The following ARK2N variants were observed in gnomAD, a reference collection of about 807,000 sequenced individuals.
ARK2N encodes the protein arkadia (RNF111) N-terminal like PKA signaling regulator 2N, also known as protein ARK2N.
At chr18:46,249,575 G>T in the ARK2N span, among the ~76,000 whole-genome samples, 1 of 152,096 alleles carries the variant, frequency 6.6e-6, no homozygotes, top group Non-Finnish European at 1.5e-5. Flanking sequence ...TTCTGCACCT[G>T]CCCACACCTA....
chr18:46,201,774 CTTTTCTTTTT>C, the ARK2N span, among the ~76,000 whole-genome samples: 1 of 140,326 alleles, frequency 7.1e-6, no homozygotes, highest in Non-Finnish European at 1.5e-5. Flanking sequence ...CTTTTCTTTT[CTTTTCTTTTT>C]TTTTTTTTTT....
the ARK2N span, chr18:46,215,928 C>T: frequency 2.6e-4 from 423 of 1,613,944 alleles, no homozygotes; most frequent in Non-Finnish European, 3.2e-4. Flanking sequence ...TCATTGAGTC[C>T]GAAGCCCCAC....
At chr18:46,205,160 G>A in the ARK2N span, among the ~76,000 whole-genome samples, 5 of 152,016 alleles carry the variant, frequency 3.3e-5, no homozygotes, top group African/African-American at 4.8e-5. Context: ...TGCCCGCCTC[G>A]GCCCCCCAAA....
chr18:46,226,074 T>G, the ARK2N span, among the ~76,000 whole-genome samples: 1 of 152,228 alleles, frequency 6.6e-6, no homozygotes, highest in African/African-American at 2.4e-5. Flanking sequence ...CATAGTTAAC[T>G]GTAAAGATCA....
chr18:46,198,783 G>A, the ARK2N span, among the ~76,000 whole-genome samples: 6 of 152,082 alleles, frequency 3.9e-5, no homozygotes, highest in Non-Finnish European at 8.8e-5. Context: ...ATTTTAAGTA[G>A]AGATGGGGTT....
chr18:46,217,009 A>G, the ARK2N span: 1 of 161,700 alleles, frequency 6.2e-6, no homozygotes, highest in Non-Finnish European at 1.4e-5. Flanking sequence ...TTGAGCTTAT[A>G]GTGTCTGAAA....
chr18:46,223,018 A>T, the ARK2N span, among the ~76,000 whole-genome samples: 1 of 152,206 alleles, frequency 6.6e-6, no homozygotes, highest in African/African-American at 2.4e-5. Context: ...GTAGGAATCT[A>T]TGAGGCTACA....
the ARK2N span, among the ~76,000 whole-genome samples, chr18:46,222,656 A>T: frequency 1.3e-5 from 2 of 152,190 alleles, no homozygotes; most frequent in African/African-American, 2.4e-5. Flanking sequence ...ATAAAAGAGC[A>T]TGTGTGTGTT....
the ARK2N span, among the ~76,000 whole-genome samples, chr18:46,255,561 C>T: frequency 2.1e-5 from 3 of 146,254 alleles, no homozygotes; most frequent in Admixed American, 7.0e-5. Flanking sequence ...AAGCAATTCT[C>T]CTGTCTCAGG....
At chr18:46,215,670 A>G in the ARK2N span, 1 of 400,940 alleles carries the variant, frequency 2.5e-6, no homozygotes, top group South Asian at 5.8e-5. Flanking sequence ...ACTGTTGATC[A>G]AACAAGCAGA....
At chr18:46,240,229 A>G in the ARK2N span, 131 of 1,603,636 alleles carry the variant, frequency 8.2e-5, no homozygotes, top group South Asian at 3.8e-4. Context: ...TGTAATATGC[A>G]TGTGTCCTGG....
the ARK2N span, among the ~76,000 whole-genome samples, chr18:46,183,628 A>G: frequency 6.6e-6 from 1 of 151,952 alleles, no homozygotes; most frequent in Non-Finnish European, 1.5e-5. Flanking sequence ...CTTTCTTTTG[A>G]GGATTAAGGG....
At chr18:46,244,758 C>T in the ARK2N span, among the ~76,000 whole-genome samples, 1 of 151,620 alleles carries the variant, frequency 6.6e-6, no homozygotes, top group Non-Finnish European at 1.5e-5. Flanking sequence ...TGTGCCACTG[C>T]GCCTGGCTAA....
chr18:46,226,637 A>C, the ARK2N span, among the ~76,000 whole-genome samples: 3 of 152,190 alleles, frequency 2.0e-5, no homozygotes, highest in African/African-American at 7.2e-5. Context: ...GCAACATGAT[A>C]GATGTTTTTA....
the ARK2N span, among the ~76,000 whole-genome samples, chr18:46,229,874 G>C: frequency 7.2e-5 from 11 of 152,218 alleles, no homozygotes; most frequent in African/African-American, 2.4e-4. Flanking sequence ...AAAGTGCTGG[G>C]ATTACAGGTA....
the ARK2N span, among the ~76,000 whole-genome samples, chr18:46,188,791 T>C: frequency 6.6e-6 from 1 of 152,128 alleles, no homozygotes; most frequent in Non-Finnish European, 1.5e-5. Flanking sequence ...GGCCGGGGGA[T>C]CACTTGAGCC....
the ARK2N span, among the ~76,000 whole-genome samples, chr18:46,237,866 A>G: frequency 0.73 from 111,606 of 152,096 alleles, 41,078 homozygotes; most frequent in Middle Eastern, 0.76. Flanking sequence ...GAATATATTG[A>G]AAATGAAAAA....
chr18:46,249,575 G>C, the ARK2N span, among the ~76,000 whole-genome samples: 5 of 152,096 alleles, frequency 3.3e-5, no homozygotes, highest in African/African-American at 1.2e-4. Flanking sequence ...TTCTGCACCT[G>C]CCCACACCTA....
the ARK2N span, chr18:46,174,431 G>A: frequency 6.6e-6 from 1 of 152,318 alleles, no homozygotes; most frequent in African/African-American, 2.4e-5. Context: ...GGAGGGCTGC[G>A]GGCCGCGGTG....
Sources: allele counts gnomAD v4.1 joint callset (sites outside exome capture counted in the v4.1 genomes callset), GRCh38; gene constraint gnomAD v4.1.1; transcripts MANE v1.5; gene names NCBI Gene and HGNC (gene_info 2026-07-23, HGNC 2026-07-21).